The following CPA6 variants were observed in gnomAD, a reference collection of about 807,000 sequenced individuals.
CPA6 encodes the protein carboxypeptidase B.
Under a neutral mutation model 63.3 loss-of-function variants are expected in CPA6, and 58 were observed. The ratio of observed to expected loss-of-function variants is 0.92; its 90% confidence interval spans 0.74 to 1.14. The LOEUF is 1.14. Among genes scored for constraint, CPA6 ranks in the 50% most tolerant of loss-of-function variants. The probability of loss-of-function intolerance (pLI) is 0.00; values close to 1 mark genes in which losing one functional copy is unlikely to be tolerated. For synonymous variants in CPA6, 185 were observed against 179.0 expected, an observed-to-expected ratio of 1.03 and a Z score of -0.27; for missense variants, 565 against 526.6, an observed-to-expected ratio of 1.07 and a Z score of -0.71.
intron 8 of CPA6, among the ~76,000 whole-genome samples, chr8:67,468,454 C>T (rs999415043): frequency 6.6e-6 from 1 of 151,708 alleles, no homozygotes; most frequent in African/African-American, 2.4e-5. Flanking sequence ...GGTGTGGTGG[C>T]AGGGGCCTGT....
chr8:67,475,467 C>T (rs1811152064), intron 8 of CPA6, among the ~76,000 whole-genome samples: 1 of 152,206 alleles, frequency 6.6e-6, no homozygotes, highest in Non-Finnish European at 1.5e-5. Context: ...GCACAGTTCT[C>T]AAAAATGTTC....
At chr8:67,526,796 A>G (rs1812372846) in intron 2 of CPA6, among the ~76,000 whole-genome samples, 2 of 152,040 alleles carry the variant, frequency 1.3e-5, no homozygotes, top group African/African-American at 4.8e-5. Flanking sequence ...ACACACCACT[A>G]CCCTTTTCAT....
chr8:67,480,957 T>C (rs1398163841), intron 8 of CPA6, among the ~76,000 whole-genome samples: 18 of 152,246 alleles, frequency 1.2e-4, no homozygotes, highest in Admixed American at 1.2e-3. Flanking sequence ...TATTCTCTTT[T>C]ATATATCTTT....
intron 2 of CPA6, among the ~76,000 whole-genome samples, chr8:67,545,855 G>A (rs923142068): frequency 6.6e-6 from 1 of 151,942 alleles, no homozygotes; most frequent in African/African-American, 2.4e-5. Flanking sequence ...GAACTACCTC[G>A]CCTGGCCTAC....
At chr8:67,550,866 G>T (rs1390721385) in intron 2 of CPA6, among the ~76,000 whole-genome samples, 2 of 151,988 alleles carry the variant, frequency 1.3e-5, no homozygotes, top group East Asian at 3.9e-4. Flanking sequence ...CATGTCTTTT[G>T]CCCACTTTTA....
chr8:67,515,199 G>A (rs1587510913), intron 3 of CPA6, among the ~76,000 whole-genome samples: 2 of 152,300 alleles, frequency 1.3e-5, no homozygotes, highest in Middle Eastern at 6.8e-3. Context: ...TTACACGCAT[G>A]CCTTTCAACC....
At position 67,671,120 on chromosome 8, in the gene CPA6, C is replaced by T. The variant is rs544860390; in HGVS notation, c.117-46869G>A. 3.3e-5 allele frequency among the ~76,000 whole-genome samples: 5 copies of T among 152,336 alleles called. No homozygotes were observed. The East Asian group carries it at 5.8e-4, about 18-fold the overall frequency. On this transcript the variant is annotated intron_variant, in intron 1 of 10. Transcript: ENST00000297770. ...ATTCTGGCTGGTTGACTGCAGTTGA[C>T]AGGGAGCCCAGGGCTGTTTTAAAAA...
At chr8:67,464,652 T>C (rs1303310779) in intron 8 of CPA6, among the ~76,000 whole-genome samples, 1 of 152,202 alleles carries the variant, frequency 6.6e-6, no homozygotes, top group Non-Finnish European at 1.5e-5. Context: ...TTTGAGGCCT[T>C]ACATTTAAAT....
intron 6 of CPA6, among the ~76,000 whole-genome samples, chr8:67,491,747 A>G (rs928546345): frequency 6.6e-6 from 1 of 152,206 alleles, no homozygotes; most frequent in African/African-American, 2.4e-5. Context: ...TTCACTTTGC[A>G]TGGCTCTTAT....
intron 1 of CPA6, among the ~76,000 whole-genome samples, chr8:67,631,066 C>T (rs1407499204): frequency 6.6e-6 from 1 of 152,228 alleles, no homozygotes; most frequent in Non-Finnish European, 1.5e-5. Context: ...TCCACAGCAC[C>T]TGGTCCCATC....
At chr8:67,736,407 T>C (rs1817813160) in intron 1 of CPA6, among the ~76,000 whole-genome samples, 1 of 152,184 alleles carries the variant, frequency 6.6e-6, no homozygotes, top group African/African-American at 2.4e-5. Context: ...CCTGCTCTAG[T>C]TTCCATTCAC....
Position 67,428,140 on chromosome 8 carries a change from G to T in CPA6, c.1042-9C>A, listed in dbSNP as rs377241102. The T allele has an allele frequency of 1.2e-5, 19 of 1,557,332 alleles. No individual in the cohort carries two copies. The highest frequency in any genetic ancestry group is 1.6e-5 in the Non-Finnish European group (18 of 1,129,510). ...TTATAAGCTGCAGATTCCTATGAGG[G>T]AAAATGGGGAAATTTTATATATTGT... is the stretch of plus-strand genomic sequence containing the variant. On this transcript the variant is annotated splice_polypyrimidine_tract_variant and intron_variant, in intron 9 of 10. Coordinates refer to ENST00000297770, the MANE Select transcript of CPA6 (RefSeq NM_020361.5).
At chr8:67,537,880 GT>G (rs1345607595) in intron 2 of CPA6, among the ~76,000 whole-genome samples, 1 of 152,116 alleles carries the variant, frequency 6.6e-6, no homozygotes, top group Non-Finnish European at 1.5e-5. Context: ...ATTCTAGTAC[GT>G]TGTGTCTTTG....
chr8:67,666,043 G>C (rs915538380), intron 1 of CPA6, among the ~76,000 whole-genome samples: 4 of 152,098 alleles, frequency 2.6e-5, no homozygotes, highest in Non-Finnish European at 4.4e-5. Context: ...TTGCATTTCA[G>C]AACTATGGAA....
intron 2 of CPA6, among the ~76,000 whole-genome samples, chr8:67,553,664 G>C (rs1357664020): frequency 2.0e-5 from 3 of 152,124 alleles, no homozygotes; most frequent in Non-Finnish European, 4.4e-5. Flanking sequence ...TCAAGATTCA[G>C]AAGTAACCTA....
intron 6 of CPA6, among the ~76,000 whole-genome samples, chr8:67,505,553 A>G (rs114412992): frequency 4.7e-4 from 72 of 152,298 alleles, no homozygotes; most frequent in African/African-American, 1.7e-3. Context: ...ATGTGTTGAT[A>G]TGTATACATT....
chr8:67,499,506 T>C (rs1054612169), intron 6 of CPA6, among the ~76,000 whole-genome samples: 1 of 152,228 alleles, frequency 6.6e-6, no homozygotes, highest in Non-Finnish European at 1.5e-5. Context: ...CTTACCTATT[T>C]TTCCCCATTG....
chr8:67,652,698 A>C (rs1444414345), intron 1 of CPA6, among the ~76,000 whole-genome samples: 1 of 150,236 alleles, frequency 6.7e-6, no homozygotes, highest in Non-Finnish European at 1.5e-5. Flanking sequence ...TTGCCTGTTC[A>C]CTCTGATGGT....
At chr8:67,462,268 C>T (rs1308481178) in intron 8 of CPA6, among the ~76,000 whole-genome samples, 4 of 152,050 alleles carry the variant, frequency 2.6e-5, no homozygotes, top group Non-Finnish European at 5.9e-5. Context: ...TTTTTTACAT[C>T]TATTGATCTT....
Sources: gnomAD v4.1 joint callset for allele counts (sites outside exome capture counted in the v4.1 genomes callset) on GRCh38, gnomAD v4.1.1 for gene constraint, MANE v1.5 for transcripts, NCBI Gene and HGNC (gene_info 2026-07-23, HGNC 2026-07-21) for gene names.